MCF2L2: variants seen among roughly 807,000 people sequenced by gnomAD.
The protein encoded by MCF2L2 is MCF.2 cell line derived transforming sequence-like 2, also known as probable guanine nucleotide exchange factor MCF2L2.
Under a neutral mutation model 150.2 loss-of-function variants are expected in MCF2L2, and 102 were observed. The ratio of observed to expected loss-of-function variants is 0.68; its 90% CI spans 0.58 to 0.80. The LOEUF is 0.80. Among genes scored for constraint, MCF2L2 ranks in the 30% least tolerant of loss-of-function variants. The pLI is 0.00. For synonymous variants in MCF2L2, 465 were observed against 491.3 expected, an observed-to-expected ratio of 0.95 and a Z score of 0.71; for missense variants, 1,256 against 1,372.8, an observed-to-expected ratio of 0.91 and a Z score of 1.34.
Position 183,272,440 on chromosome 3 carries a change from A to G in MCF2L2, c.1862+4432T>C, listed in dbSNP as rs182169517. 5.9e-5 allele frequency: 59 copies of G among 1,000,224 alleles called. No individual in the cohort carries two copies. In the African/African-American group the frequency reaches 1.0e-3, roughly 17 times the overall value. The allele number at this position is 1,000,224 out of a possible 1,614,324, so 62.0% of individuals were successfully genotyped here. A position where few individuals can be genotyped will look rare whatever the true frequency, so the allele number is the denominator to read the frequency against. Reference sequence around the variant, plus strand: ...TCGGAAACACGCAAAACAAAACGAAAAAAGATTTCTCAGTATACACAACTG... The same window carrying G: ...TCGGAAACACGCAAAACAAAACGAAGAAAGATTTCTCAGTATACACAACTG... On this transcript the variant is annotated intron_variant, in intron 15 of 29. Coordinates refer to ENST00000328913, the MANE Select transcript of MCF2L2 (RefSeq NM_015078.4).
At chr3:183,234,334 A>G (rs945327460) in intron 15 of MCF2L2, among the ~76,000 whole-genome samples, 1 of 152,246 alleles carries the variant, frequency 6.6e-6, no homozygotes, top group Non-Finnish European at 1.5e-5. Flanking sequence ...TTATTATCCA[A>G]AAATGATCTA....
intron 22 of MCF2L2, among the ~76,000 whole-genome samples, chr3:183,211,532 C>T (rs1722723558): frequency 1.3e-5 from 2 of 152,218 alleles, no homozygotes; most frequent in African/African-American, 4.8e-5. Flanking sequence ...TGACCAAGGG[C>T]AGGCACACAC....
At chr3:183,344,924 A>AGCAAGT (rs1172052383) in intron 3 of MCF2L2, among the ~76,000 whole-genome samples, 1 of 152,224 alleles carries the variant, frequency 6.6e-6, no homozygotes, top group Non-Finnish European at 1.5e-5. Flanking sequence ...AGATTCATAA[A>AGCAAGT]GCAAGTTCTT....
intron 19 of MCF2L2, 30 bp downstream of exon 19, chr3:183,224,068 C>T: frequency 6.5e-7 from 1 of 1,546,150 alleles, no homozygotes; most frequent in South Asian, 1.1e-5. Flanking sequence ...GAAACATTTT[C>T]CAGGAAGAAG....
intron 3 of MCF2L2, among the ~76,000 whole-genome samples, chr3:183,369,478 AT>A (rs1712735006): frequency 6.6e-6 from 1 of 152,198 alleles, no homozygotes; most frequent in Non-Finnish European, 1.5e-5. Flanking sequence ...TAATGCTGCC[AT>A]TTTTTTGTAC....
At chr3:183,282,064 G>GC (rs35298761) in intron 14 of MCF2L2, among the ~76,000 whole-genome samples, 1 of 151,662 alleles carries the variant, frequency 6.6e-6, no homozygotes, top group Non-Finnish European at 1.5e-5. Flanking sequence ...ACCACCCCCA[G>GC]CCTCAGGGTC....
At chr3:183,330,926 T>C (rs1381705688) in intron 5 of MCF2L2, among the ~76,000 whole-genome samples, 1 of 152,182 alleles carries the variant, frequency 6.6e-6, no homozygotes, top group Non-Finnish European at 1.5e-5. Context: ...TTCTGTACTC[T>C]TGAGGCTCTG....
At chr3:183,192,839 G>T in intron 27 of MCF2L2, 160 bp downstream of exon 27, 1 of 567,358 alleles carries the variant, frequency 1.8e-6, no homozygotes, top group South Asian at 2.4e-5. Flanking sequence ...ATGAATAGCA[G>T]GAAATTGATT....
chr3:183,182,316 G>C (rs1721554326), intron 27 of MCF2L2, among the ~76,000 whole-genome samples: 1 of 151,354 alleles, frequency 6.6e-6, no homozygotes, highest in Non-Finnish European at 1.5e-5. Flanking sequence ...AGGAGCTCCG[G>C]GTGCCACAGG....
chr3:183,378,289 T>C, intron 3 of MCF2L2: 1 of 152,440 alleles, frequency 6.6e-6, no homozygotes, highest in Non-Finnish European at 1.5e-5. Context: ...GGGAAGGCCT[T>C]TCCCAACCAA....
chr3:183,405,568 A>G (rs1430153516), intron 1 of MCF2L2, among the ~76,000 whole-genome samples: 2 of 152,220 alleles, frequency 1.3e-5, no homozygotes, highest in South Asian at 4.1e-4. Context: ...TACCTTTTGA[A>G]TCTGACATCT....
chr3:183,363,511 TG>T (rs1458822552), intron 3 of MCF2L2, among the ~76,000 whole-genome samples: 1 of 152,118 alleles, frequency 6.6e-6, no homozygotes, highest in African/African-American at 2.4e-5. Flanking sequence ...TGAGAAGACA[TG>T]GAAAAACTTA....
At chr3:183,256,574 A>G (rs1418188700) in intron 15 of MCF2L2, among the ~76,000 whole-genome samples, 1 of 152,228 alleles carries the variant, frequency 6.6e-6, no homozygotes, top group Non-Finnish European at 1.5e-5. Context: ...TCTACAAAAG[A>G]GAATGTTCTA....
At chr3:183,272,232 A>G (rs773832971) in intron 15 of MCF2L2, 43 of 1,000,108 alleles carry the variant, frequency 4.3e-5, no homozygotes, top group Non-Finnish European at 5.1e-5. Flanking sequence ...CAGGATAAAA[A>G]TGTGGCTATA....
intron 10 of MCF2L2, among the ~76,000 whole-genome samples, chr3:183,307,253 G>C (rs888595622): frequency 2.6e-5 from 4 of 152,322 alleles, no homozygotes; most frequent in Admixed American, 2.6e-4. Context: ...TCAGATTGTG[G>C]CCAGACACAG....
At chr3:183,307,498 C>T (rs1457050212) in intron 10 of MCF2L2, among the ~76,000 whole-genome samples, 1 of 152,204 alleles carries the variant, frequency 6.6e-6, no homozygotes, top group Non-Finnish European at 1.5e-5. Flanking sequence ...GTCTGCAAAT[C>T]CTGCAAGTCA....
At chr3:183,199,406 G>A (rs1722180935) in intron 25 of MCF2L2, among the ~76,000 whole-genome samples, 1 of 152,102 alleles carries the variant, frequency 6.6e-6, no homozygotes, top group Non-Finnish European at 1.5e-5. Flanking sequence ...AAAGCTCGCT[G>A]TGGATTTTCC....
At chr3:183,317,103 ACT>A (rs1729634118) in intron 7 of MCF2L2, among the ~76,000 whole-genome samples, 3 of 151,758 alleles carry the variant, frequency 2.0e-5, no homozygotes, top group Non-Finnish European at 1.5e-5. Context: ...AGACTCTGAG[ACT>A]CTCCTAACTA....
rs1198168874 is a variant in MCF2L2, at chr3:183,305,082, A to C, written c.1113+4634T>G. On this transcript the variant is annotated intron_variant, in intron 10 of 29. Coordinates refer to ENST00000328913, the MANE Select transcript of MCF2L2 (RefSeq NM_015078.4). The surrounding 1 kb of genome is among the most constrained non-coding windows in gnomAD (Gnocchi z 4.1). ...CTCTTCACAACAAACCCTTTGATAC[A>C]GGTACTGTTTTACCAAAGGGAAGTG... Among the ~76,000 whole-genome samples the C allele has an allele frequency of 6.6e-6, 1 of 152,298 alleles. No homozygotes were observed. The highest frequency in any genetic ancestry group is 2.4e-5 in the African/African-American group (1 of 41,568).
Sources: allele counts gnomAD v4.1 joint callset (sites outside exome capture counted in the v4.1 genomes callset), GRCh38; gene constraint gnomAD v4.1.1; non-coding constraint Gnocchi (gnomAD v3.1); transcripts MANE v1.5; gene names NCBI Gene and HGNC (gene_info 2026-07-23, HGNC 2026-07-21).